MAPK4: variants seen among roughly 807,000 people sequenced by gnomAD.
MAPK4 encodes the protein mitogen-activated protein kinase 4.
A neutral mutation model predicts 47.7 loss-of-function variants in MAPK4; 22 were observed. The ratio of observed to expected loss-of-function variants is 0.46; its 90% confidence interval spans 0.33 to 0.66. The LOEUF (loss-of-function observed/expected upper bound fraction) is 0.66. Among genes scored for constraint, MAPK4 ranks in the 30% least tolerant of loss-of-function variants. The probability of loss-of-function intolerance (pLI) is 0.02; values close to 1 mark genes in which losing one functional copy is unlikely to be tolerated. For synonymous variants in MAPK4, 390 were observed against 365.7 expected, an observed-to-expected ratio of 1.07 and a Z score of -0.76; for missense variants, 736 against 831.7, an observed-to-expected ratio of 0.88 and a Z score of 1.42.
At chr18:50,577,073 A>G (rs915989084) in intron 1 of MAPK4, among the ~76,000 whole-genome samples, 1 of 152,182 alleles carries the variant, frequency 6.6e-6, no homozygotes, top group African/African-American at 2.4e-5. Flanking sequence ...ACCCTATAAA[A>G]TATTGATGTC....
intron 1 of MAPK4, among the ~76,000 whole-genome samples, chr18:50,572,633 T>TA (rs956807319): frequency 6.6e-5 from 10 of 151,188 alleles, no homozygotes; most frequent in African/African-American, 2.2e-4. Flanking sequence ...CTAGAGGCAG[T>TA]AAAAAAAAGT....
Position 50,725,982 on chromosome 18 carries a change from A to T in MAPK4, c.874A>T (p.Ile292Phe). ...TGCAGCCATCGACTTTCTGGAGAAGATCCTGACCTTTAACCCCATGGATCG... is the reference window on the plus strand; with the variant it reads ...TGCAGCCATCGACTTTCTGGAGAAGTTCCTGACCTTTAACCCCATGGATCG... Reference protein sequence around the residue: ...NSEAIDFLEKILTFNPMDRLT... With the variant: ...NSEAIDFLEKFLTFNPMDRLT... Residue 292 changes from isoleucine to phenylalanine, a missense_variant, in exon 5 of 6, where the codon ATC becomes TTC. Coordinates refer to ENST00000400384, the MANE Select transcript of MAPK4 (RefSeq NM_002747.4). 3.1e-6 allele frequency: 5 copies of T among 1,614,138 alleles called. No homozygotes were observed. Among genetic ancestry groups the T allele is most frequent in the Non-Finnish European group, 4.2e-6 (5 of 1,180,026 alleles).
chr18:50,666,250 A>C (rs954585326), intron 2 of MAPK4, among the ~76,000 whole-genome samples: 3 of 152,308 alleles, frequency 2.0e-5, no homozygotes, highest in Middle Eastern at 3.4e-3. Context: ...TGGTGTGAGC[A>C]AAGGACCCTT....
intron 1 of MAPK4, among the ~76,000 whole-genome samples, chr18:50,630,274 C>T (rs1440683766): frequency 6.6e-6 from 1 of 152,120 alleles, no homozygotes; most frequent in African/African-American, 2.4e-5. Flanking sequence ...CTGCAACCTC[C>T]GCCTCCTAGG....
Position 50,678,815 on chromosome 18 carries a change from G to A in MAPK4, c.546+14311G>A, listed in dbSNP as rs1908420911. 6.6e-6 allele frequency among the ~76,000 whole-genome samples: 1 copy of A among 152,212 alleles called. No individual in the cohort carries two copies. The highest frequency in any genetic ancestry group is 2.4e-5 in the African/African-American group (1 of 41,454). ...TTCTGGGTGAAGGCAGCAGGAAAGG[G>A]GGAGCCATTCCTTGCCCTCCCTTTT... On this transcript the variant is annotated intron_variant, in intron 2 of 5. Coordinates refer to ENST00000400384, the MANE Select transcript of MAPK4 (RefSeq NM_002747.4). The surrounding 1 kb of genome is among the most constrained non-coding windows in gnomAD (Gnocchi z 4.2).
At chr18:50,565,349 A>C (rs2042189498) in intron 1 of MAPK4, among the ~76,000 whole-genome samples, 1 of 152,232 alleles carries the variant, frequency 6.6e-6, no homozygotes. Flanking sequence ...ACTAGTGGGT[A>C]GTAGTAACTT....
intron 1 of MAPK4, among the ~76,000 whole-genome samples, chr18:50,637,335 A>G (rs913036984): frequency 5.3e-5 from 8 of 152,160 alleles, no homozygotes; most frequent in African/African-American, 7.2e-5. Flanking sequence ...CAAAGTAGAG[A>G]TCTTTGTGGC....
At chr18:50,589,801 G>A (rs1028689863) in intron 1 of MAPK4, among the ~76,000 whole-genome samples, 2 of 152,132 alleles carry the variant, frequency 1.3e-5, no homozygotes, top group Non-Finnish European at 2.9e-5. Flanking sequence ...TCTTAATTGC[G>A]CTGAGAGAAT....
At chr18:50,624,329 C>T (rs2042757564) in intron 1 of MAPK4, among the ~76,000 whole-genome samples, 1 of 152,206 alleles carries the variant, frequency 6.6e-6, no homozygotes, top group African/African-American at 2.4e-5. Flanking sequence ...TTCCCAATTA[C>T]ATTCCTAGAT....
intron 1 of MAPK4, among the ~76,000 whole-genome samples, chr18:50,598,355 GTCT>G (rs35696856): frequency 0.04 from 6,137 of 152,172 alleles, 438 homozygotes; most frequent in African/African-American, 0.14. Flanking sequence ...AACACTACTG[GTCT>G]TCTTACCAGT....
intron 1 of MAPK4, among the ~76,000 whole-genome samples, chr18:50,574,285 T>A (rs1295348861): frequency 6.6e-6 from 1 of 152,196 alleles, no homozygotes; most frequent in Non-Finnish European, 1.5e-5. Flanking sequence ...TTTTATGGAA[T>A]TGGATTTAAG....
In MAPK4 at chr18:50,609,822, A is replaced by G. The variant is rs2042616624; in HGVS notation, c.-871+49579A>G. Among the ~76,000 whole-genome samples the G allele has an allele frequency of 3.3e-5, 5 of 152,142 alleles. No homozygotes were observed. In the South Asian group the frequency reaches 1.0e-3, roughly 32 times the overall value. On this transcript the variant is annotated intron_variant, in intron 1 of 5. Coordinates refer to ENST00000400384, the MANE Select transcript of MAPK4 (RefSeq NM_002747.4). ...TTGCTATGCTGTACTCTCTTTGGTC[A>G]TATTGGTCTGTAGATATGGTGGATA...
chr18:50,654,825 C>T (rs967755117), intron 1 of MAPK4, among the ~76,000 whole-genome samples: 1 of 152,166 alleles, frequency 6.6e-6, no homozygotes, highest in Admixed American at 6.5e-5. Flanking sequence ...GGAGTTCCGA[C>T]GAGGCAGCCG....
At chr18:50,568,514 C>T (rs565475516) in intron 1 of MAPK4, among the ~76,000 whole-genome samples, 1 of 152,292 alleles carries the variant, frequency 6.6e-6, no homozygotes, top group African/African-American at 2.4e-5. Context: ...ATAACGTAAC[C>T]ACAGTCACAT....
chr18:50,562,772 A>ATT (rs2149354426), intron 1 of MAPK4, among the ~76,000 whole-genome samples: 1 of 152,362 alleles, frequency 6.6e-6, no homozygotes, highest in South Asian at 2.1e-4. Context: ...TCTAAGACGT[A>ATT]GTCTTTGTCT....
chr18:50,596,995 A>G (rs1455475517), intron 1 of MAPK4, among the ~76,000 whole-genome samples: 2 of 152,218 alleles, frequency 1.3e-5, no homozygotes, highest in African/African-American at 4.8e-5. Context: ...TAAGTGTTCA[A>G]TTTAAAAGCA....
In MAPK4 at chr18:50,717,439, GT is replaced by G. The variant is rs1209483014; in HGVS notation, c.691+2217del. Among the ~76,000 whole-genome samples the G allele has an allele frequency of 2.4e-3, 362 of 152,242 alleles. 1 individual carries two copies. Among genetic ancestry groups the G allele is most frequent in the African/African-American group, 7.7e-3 (322 of 41,552 alleles). ...TGGCCAGCACTCATGGCCTGCATTG[GT>G]AGGCCTAGGCTCCTGGGGCTACCCC... On this transcript the variant is annotated intron_variant, in intron 3 of 5. Transcript: ENST00000400384.
chr18:50,642,973 C>T (rs2042953776), intron 1 of MAPK4, among the ~76,000 whole-genome samples: 1 of 152,200 alleles, frequency 6.6e-6, no homozygotes, highest in South Asian at 2.1e-4. Context: ...CCTTTTGGTG[C>T]TTTATTCGTT....
chr18:50,690,086 C>G (rs1482000671), intron 2 of MAPK4, among the ~76,000 whole-genome samples: 1 of 152,152 alleles, frequency 6.6e-6, no homozygotes, highest in African/African-American at 2.4e-5. Context: ...TCCCTCTCAC[C>G]TGAGCTAGAG....
Sources: allele counts gnomAD v4.1 joint callset (sites outside exome capture counted in the v4.1 genomes callset), GRCh38; gene constraint gnomAD v4.1.1; non-coding constraint Gnocchi (gnomAD v3.1); transcripts MANE v1.5; gene names NCBI Gene and HGNC (gene_info 2026-07-23, HGNC 2026-07-21).